The following ANK3 variants were observed in gnomAD, a reference collection of about 807,000 sequenced individuals.
ANK3 encodes the protein ankyrin 3.
Under a neutral mutation model 370.9 loss-of-function variants are expected in ANK3, and 57 were observed. That is an observed-to-expected ratio of 0.15 (90% CI 0.12 to 0.19). The LOEUF (loss-of-function observed/expected upper bound fraction) is 0.19, where lower values mean the gene tolerates loss of function less well. Among genes scored for constraint, ANK3 ranks in the 10% least tolerant of loss-of-function variants. The pLI is 1.00. For synonymous variants in ANK3, 1,929 were observed against 1,946.3 expected (o/e 0.99, Z 0.23); for missense variants, 4,439 against 5,302.1 (o/e 0.84, Z 5.06).
chr10:60,653,980 C>T (rs2078827865), intron 1 of ANK3, among the ~76,000 whole-genome samples: 1 of 152,198 alleles, frequency 6.6e-6, no homozygotes. Flanking sequence ...ATAAATATAT[C>T]TCTCCATTTG....
chr10:60,194,397 A>C (rs1274496612), intron 16 of ANK3, among the ~76,000 whole-genome samples: 1 of 152,134 alleles, frequency 6.6e-6, no homozygotes, highest in African/African-American at 2.4e-5. Flanking sequence ...ATATCCATTA[A>C]ACATTAACTC....
chr10:60,395,622 C>CTCTTTCGT (rs1270230402), intron 2 of ANK3, among the ~76,000 whole-genome samples: 830 of 40,764 alleles, frequency 0.02, 4 homozygotes, highest in African/African-American at 0.041. Flanking sequence ...CTTTCGTTCT[C>CTCTTTCGT]TCTCTCTCTC....
chr10:60,366,753 C>T (rs1025805723), intron 1 of ANK3, among the ~76,000 whole-genome samples: 1 of 152,068 alleles, frequency 6.6e-6, no homozygotes, highest in Admixed American at 6.5e-5. Context: ...TGACACTATC[C>T]TTTTTCACAG....
intron 42 of ANK3, chr10:60,051,684 G>A (rs1292399690): frequency 2.8e-4 from 34 of 122,798 alleles, no homozygotes; most frequent in African/African-American, 3.7e-4. Flanking sequence ...TTTTTTTTTT[G>A]CCGACTAAAG....
At chr10:60,162,532 C>A (rs1227335061) in intron 23 of ANK3, among the ~76,000 whole-genome samples, 4 of 152,122 alleles carry the variant, frequency 2.6e-5, no homozygotes, top group African/African-American at 9.7e-5. Flanking sequence ...AAATTTGGCA[C>A]GAAGCTGAAC....
chr10:60,036,653 G>T (rs998707694), intron 43 of ANK3, among the ~76,000 whole-genome samples: 2 of 151,816 alleles, frequency 1.3e-5, no homozygotes, highest in Non-Finnish European at 2.9e-5. Context: ...AGCCAGGATG[G>T]TCTACATCTC....
At chr10:60,145,872 A>G (rs1011746626) in intron 23 of ANK3, 2 of 683,660 alleles carry the variant, frequency 2.9e-6, no homozygotes, top group Admixed American at 2.1e-5. Context: ...CCTGGCACAT[A>G]GTAGGTGCTC....
At chr10:60,406,891 G>A (rs973692332) in intron 2 of ANK3, among the ~76,000 whole-genome samples, 1 of 151,684 alleles carries the variant, frequency 6.6e-6, no homozygotes, top group Non-Finnish European at 1.5e-5. Flanking sequence ...ACCATTTTTT[G>A]CCACCAAATC....
At chr10:60,035,321 T>C (rs2074679893) in intron 43 of ANK3, among the ~76,000 whole-genome samples, 1 of 152,146 alleles carries the variant, frequency 6.6e-6, no homozygotes, top group Non-Finnish European at 1.5e-5. Context: ...CGATCTTGGC[T>C]TGCTGCAACC....
At chr10:60,643,047 A>G (rs1471296509) in intron 1 of ANK3, among the ~76,000 whole-genome samples, 2 of 152,196 alleles carry the variant, frequency 1.3e-5, no homozygotes, top group East Asian at 1.9e-4. Context: ...CACATACTCA[A>G]TGTTAATAAT....
Position 60,059,445 on chromosome 10 carries a change from A to T in ANK3, c.12596-15T>A, listed in dbSNP as rs763761807. ...ATTCTGCCAACCTGTAATTGAAGAC[A>T]TTTCCAGTTCTGCTTGCTGAACACG... On this transcript the variant is annotated splice_polypyrimidine_tract_variant and intron_variant, in intron 40 of 43. Coordinates refer to ENST00000280772, the MANE Select transcript of ANK3 (RefSeq NM_020987.5). 5 of 1,608,404 alleles carry T rather than the reference A, an allele frequency of 3.1e-6. No homozygotes were observed. Among genetic ancestry groups the T allele is most frequent in the Non-Finnish European group, 4.3e-6 (5 of 1,174,998 alleles).
chr10:60,574,463 C>T (rs1228085558), intron 2 of ANK3, among the ~76,000 whole-genome samples: 1 of 152,208 alleles, frequency 6.6e-6, no homozygotes, highest in Non-Finnish European at 1.5e-5. Context: ...TCTGCTCAGA[C>T]ACTGAACTGC....
intron 2 of ANK3, among the ~76,000 whole-genome samples, chr10:60,421,760 C>G (rs1426577954): frequency 6.6e-6 from 1 of 152,016 alleles, no homozygotes; most frequent in East Asian, 1.9e-4. Context: ...TAGTTAAAAT[C>G]CAACCACACT....
intron 2 of ANK3, among the ~76,000 whole-genome samples, chr10:60,475,015 T>C (rs1217214298): frequency 1.3e-5 from 2 of 152,108 alleles, no homozygotes; most frequent in South Asian, 4.1e-4. Flanking sequence ...CCCCAAACCT[T>C]TAGTCTTACC....
chr10:60,480,872 A>G (rs1368693305), intron 2 of ANK3, among the ~76,000 whole-genome samples: 2 of 152,184 alleles, frequency 1.3e-5, no homozygotes, highest in Admixed American at 1.3e-4. Context: ...ATTGCTAACA[A>G]AAGTTTTGGA....
chr10:60,156,020 A>G (rs1000105458), intron 23 of ANK3, among the ~76,000 whole-genome samples: 2 of 152,186 alleles, frequency 1.3e-5, no homozygotes, highest in East Asian at 3.8e-4. Flanking sequence ...GTGTGAATCA[A>G]TTCTCCTAAT....
At chr10:60,506,245 G>T (rs2075937429) in intron 2 of ANK3, among the ~76,000 whole-genome samples, 1 of 151,944 alleles carries the variant, frequency 6.6e-6, no homozygotes, top group African/African-American at 2.4e-5. Flanking sequence ...AAATGATTCT[G>T]CTCCTACAAG....
intron 2 of ANK3, among the ~76,000 whole-genome samples, chr10:60,483,794 G>A (rs970656456): frequency 6.6e-6 from 1 of 152,024 alleles, no homozygotes; most frequent in Admixed American, 6.6e-5. Flanking sequence ...TGTCTATACC[G>A]CCGAACAAGA....
chr10:60,683,636 T>A (rs1214152541), intron 1 of ANK3, among the ~76,000 whole-genome samples: 1 of 152,242 alleles, frequency 6.6e-6, no homozygotes, highest in Non-Finnish European at 1.5e-5. Context: ...AAAATCCACC[T>A]GATTGCTCTC....
Sources: allele counts gnomAD v4.1 joint callset (sites outside exome capture counted in the v4.1 genomes callset), GRCh38; gene constraint gnomAD v4.1.1; transcripts MANE v1.5; gene names NCBI Gene and HGNC (gene_info 2026-07-23, HGNC 2026-07-21).